Variants in MAST3 observed in about 807,000 individuals in gnomAD.
The protein encoded by MAST3 is microtubule associated serine/threonine kinase 3.
Under a neutral mutation model 127.0 loss-of-function variants are expected in MAST3, and 43 were observed. That is an observed-to-expected ratio of 0.34 (90% confidence interval 0.27 to 0.44). The LOEUF (loss-of-function observed/expected upper bound fraction) is 0.44, where lower values mean the gene tolerates loss of function less well. Among genes scored for constraint, MAST3 ranks in the 20% least tolerant of loss-of-function variants. The pLI is 1.00. For synonymous variants in MAST3, 785 were observed against 809.2 expected, an observed-to-expected ratio of 0.97 and a Z score of 0.51; for missense variants, 1,390 against 1,919.1, an observed-to-expected ratio of 0.72 and a Z score of 5.15.
rs2043115735 is a variant in MAST3 at position 18,147,161 on chromosome 19, T to TG, written c.3326+119dup. 14 of 1,060,396 alleles carry TG rather than the reference T, an allele frequency of 1.3e-5. No individual in the cohort carries two copies. The East Asian group carries it at 3.9e-4, about 29-fold the overall frequency. 65.7% of individuals were successfully genotyped at this position (1,060,396 alleles called of 1,614,324 possible). ...CTCTGTTGCCCAGGCTGGAGTGCAGTGGCTCAATCTCGGCTCACTGCAACC... is the reference window on the plus strand; with the variant it reads ...CTCTGTTGCCCAGGCTGGAGTGCAGTGGGCTCAATCTCGGCTCACTGCAACC... On this transcript the variant is annotated intron_variant, in intron 26 of 27. Coordinates refer to ENST00000687212, the MANE Select transcript of MAST3 (RefSeq NM_001393504.1).
In MAST3 at chr19:18,144,155, C is replaced by T. The variant is rs1049645393; in HGVS notation, c.2584+148C>T. The T allele has an allele frequency of 8.3e-7, 1 of 1,201,510 alleles. No homozygotes were observed. Among genetic ancestry groups the T allele is most frequent in the African/African-American group, 1.5e-5 (1 of 65,130 alleles). The allele number at this position is 1,201,510 out of a possible 1,614,324, so 74.4% of individuals were successfully genotyped here. A position where few individuals can be genotyped will look rare whatever the true frequency, so the allele number is the denominator to read the frequency against. On this transcript the variant is annotated intron_variant, in intron 22 of 27. Transcript: ENST00000687212. The surrounding 1 kb of genome is among the most constrained non-coding windows in gnomAD (Gnocchi z 4.0). ...AGAAGCCAGGGTCCCAGAGAGACCC[C>T]CAGCCCCCAAGGAACCCCAGTCTAG...
At chr19:18,137,751 G>T (rs2042028278) in intron 19 of MAST3, among the ~76,000 whole-genome samples, 1 of 152,166 alleles carries the variant, frequency 6.6e-6, no homozygotes, top group Non-Finnish European at 1.5e-5. Flanking sequence ...CCCTGCAGGG[G>T]CACTGTAGGT....
At chr19:18,130,029 C>A (rs1255808417) in intron 13 of MAST3, among the ~76,000 whole-genome samples, 1 of 151,892 alleles carries the variant, frequency 6.6e-6, no homozygotes, top group Non-Finnish European at 1.5e-5. Context: ...GTGGGAGGGT[C>A]ACTTGAGGCC....
At chr19:18,146,104 C>T (rs1002662870) in intron 25 of MAST3, among the ~76,000 whole-genome samples, 3 of 152,106 alleles carry the variant, frequency 2.0e-5, no homozygotes, top group South Asian at 2.1e-4. Flanking sequence ...ACATCTGTTC[C>T]TCCCTCTGGC....
In MAST3 at chr19:18,110,119, G is replaced by A. The variant is rs915285051; in HGVS notation, c.72-533G>A. 15 of 985,358 alleles carry A rather than the reference G, an allele frequency of 1.5e-5. No homozygotes were observed. The highest frequency in any genetic ancestry group is 1.8e-5 in the Non-Finnish European group (15 of 829,938). 61.0% of individuals were successfully genotyped at this position (985,358 alleles called of 1,614,324 possible). ...CGGGCCGGGCCTGCGCGCAGGTGCG[G>A]AGCTGCGATCCCCGCCCCGAGGCGG... On this transcript the variant is annotated intron_variant, in intron 2 of 27. Transcript: ENST00000687212. This position sits in a 1 kb window ranked among gnomAD's most constrained non-coding sequence, Gnocchi z 4.3.
In MAST3 at chr19:18,123,634, G is replaced by T; in HGVS notation, c.612G>T (p.Val204=). 6.3e-7 allele frequency: 1 copy of T among 1,587,694 alleles called. No homozygotes were observed. The highest frequency in any genetic ancestry group is 8.6e-7 in the Non-Finnish European group (1 of 1,167,720). The change falls in exon 8 of 28, where the codon GTG becomes GTT. Residue 204 remains valine (V), a synonymous_variant. Coordinates refer to ENST00000687212, the MANE Select transcript of MAST3 (RefSeq NM_001393504.1). The stretch of plus-strand genomic sequence containing the variant: ...ATGAGATTGTCATGATGAATCACGT[G>T]TACCGGGAGAGGTTCCCCAAGGTGG... ...FDNEIVMMNH[V]YRERFPKATA...
At chr19:18,146,595 G>A (rs977710303) in intron 25 of MAST3, among the ~76,000 whole-genome samples, 1 of 152,176 alleles carries the variant, frequency 6.6e-6, no homozygotes, top group Non-Finnish European at 1.5e-5. Flanking sequence ...TGATTAATGG[G>A]TGGATACCAG....
chr19:18,140,155 G>A (rs1439750417), intron 20 of MAST3, among the ~76,000 whole-genome samples: 5 of 152,066 alleles, frequency 3.3e-5, no homozygotes, highest in South Asian at 2.1e-4. Context: ...CGAGGCAGGC[G>A]GATCACTTGA....
intron 10 of MAST3, 86 bp downstream of exon 10, chr19:18,124,452 G>A (rs983607924): frequency 2.9e-6 from 4 of 1,400,328 alleles, no homozygotes; most frequent in South Asian, 2.5e-5. Flanking sequence ...ACAGGTGACA[G>A]TTCCCATCGT....
At chr19:18,134,042 G>C (rs1162735255) in intron 15 of MAST3, among the ~76,000 whole-genome samples, 1 of 152,058 alleles carries the variant, frequency 6.6e-6, no homozygotes, top group East Asian at 1.9e-4. Context: ...AATTCACTGT[G>C]TATAACCATC....
chr19:18,120,065 A>C (rs1029635107), intron 3 of MAST3, among the ~76,000 whole-genome samples: 1 of 152,176 alleles, frequency 6.6e-6, no homozygotes, highest in Admixed American at 6.5e-5. Context: ...GGCTGAGGCC[A>C]GGGCCCAGGT....
intron 3 of MAST3, among the ~76,000 whole-genome samples, chr19:18,113,896 C>A (rs1361886151): frequency 1.3e-5 from 2 of 152,254 alleles, no homozygotes; most frequent in Non-Finnish European, 2.9e-5. Flanking sequence ...TTGTGCCTGG[C>A]CTTGCAACTT....
Position 18,145,725 on chromosome 19 carries a change from G to T in MAST3, c.3040-18G>T, listed in dbSNP as rs779129494. The T allele has an allele frequency of 3.2e-6, 5 of 1,568,220 alleles. No individual in the cohort carries two copies. The highest frequency in any genetic ancestry group is 3.4e-6 in the Non-Finnish European group (4 of 1,162,492). ...TGGGGCCCAGGCCATTGACCCCACCGTTCTCGTCTGCCCCCAGAGTGTGGA... is the reference window on the plus strand; with the variant it reads ...TGGGGCCCAGGCCATTGACCCCACCTTTCTCGTCTGCCCCCAGAGTGTGGA... On this transcript the variant is annotated intron_variant, in intron 24 of 27. Transcript: ENST00000687212. This position sits in a 1 kb window ranked among gnomAD's most constrained non-coding sequence, Gnocchi z 5.9.
chr19:18,118,289 C>A (rs1267233904), intron 3 of MAST3: 2 of 980,192 alleles, frequency 2.0e-6, no homozygotes, highest in African/African-American at 3.5e-5. Flanking sequence ...GCTCGGCGGC[C>A]AGCCGAGCAA....
intron 14 of MAST3, 36 bp from the exon 15 acceptor site, chr19:18,131,872 GC>G (rs1298556223): frequency 6.5e-7 from 1 of 1,540,848 alleles, no homozygotes; most frequent in South Asian, 1.2e-5. Flanking sequence ...GGGCGGGGGT[GC>G]CCCGGGCCTC....
intron 3 of MAST3, among the ~76,000 whole-genome samples, chr19:18,114,626 A>G (rs1050314962): frequency 6.6e-6 from 1 of 152,122 alleles, no homozygotes; most frequent in African/African-American, 2.4e-5. Context: ...CCCAGGGTGT[A>G]TACAGCAGGT....
chr19:18,122,776 G>T (rs1568567613), intron 6 of MAST3, 25 bp downstream of exon 6: 1 of 1,608,520 alleles, frequency 6.2e-7, no homozygotes, highest in African/African-American at 1.3e-5. Context: ...ACCTTGGCAG[G>T]TGGACAGGCA....
chr19:18,136,418 G>A (rs2041895048), intron 18 of MAST3, among the ~76,000 whole-genome samples: 1 of 151,994 alleles, frequency 6.6e-6, no homozygotes, highest in Non-Finnish European at 1.5e-5. Flanking sequence ...CAGCCTGGGT[G>A]CTTTTTTATT....
Position 18,145,925 on chromosome 19 carries a change from G to T in MAST3, c.3162+60G>T. The T allele has an allele frequency of 2.0e-6, 3 of 1,500,916 alleles. No homozygotes were observed. The highest frequency in any genetic ancestry group is 2.6e-6 in the Non-Finnish European group (3 of 1,132,800). 93.0% of individuals were successfully genotyped at this position (1,500,916 alleles called of 1,614,324 possible). A position where few individuals can be genotyped will look rare whatever the true frequency, so the allele number is the denominator to read the frequency against. On this transcript the variant is annotated intron_variant, in intron 25 of 27. Coordinates refer to ENST00000687212, the MANE Select transcript of MAST3 (RefSeq NM_001393504.1). The surrounding 1 kb of genome is among the most constrained non-coding windows in gnomAD (Gnocchi z 5.9). ...CCAGCACCCCTTGGCCGCAGCTCCC[G>T]GTTCCCCGTGGTTCTCCGCGTCCAG... is the stretch of plus-strand genomic sequence containing the variant.
Sources: allele counts gnomAD v4.1 joint callset (sites outside exome capture counted in the v4.1 genomes callset), GRCh38; gene constraint gnomAD v4.1.1; non-coding constraint Gnocchi (gnomAD v3.1); transcripts MANE v1.5; gene names NCBI Gene and HGNC (gene_info 2026-07-23, HGNC 2026-07-21).